Variants in PID1 observed in about 807,000 individuals in gnomAD.
PID1 encodes phosphotyrosine interaction domain containing 1, also known as PTB-containing, cubilin and LRP1-interacting protein.
PID1 carries 10 observed loss-of-function variants against 19.1 expected under a neutral mutation model. The ratio of observed to expected loss-of-function variants is 0.52; its 90% confidence interval spans 0.32 to 0.89. The LOEUF is 0.89. PID1 is among the 40% of genes least tolerant of loss of function. The pLI, the probability that PID1 is intolerant of heterozygous loss-of-function variation, is 0.03. For missense variants in PID1, 248 were observed against 285.3 expected (o/e 0.87, Z 0.94); for synonymous variants, 130 against 116.0 (o/e 1.12, Z -0.78).
intron 2 of PID1, among the ~76,000 whole-genome samples, chr2:229,074,102 C>T (rs1190434632): frequency 6.6e-6 from 1 of 152,130 alleles, no homozygotes; most frequent in African/African-American, 2.4e-5. Context: ...GTCAGATTTA[C>T]ATTTAGGTTT....
chr2:229,158,722 T>C (rs1011119387), intron 1 of PID1, among the ~76,000 whole-genome samples: 1 of 151,932 alleles, frequency 6.6e-6, no homozygotes, highest in Non-Finnish European at 1.5e-5. Context: ...CTGAAAGAAG[T>C]GGATAATGAT....
chr2:229,270,384 C>T (rs1397369729), intron 1 of PID1, among the ~76,000 whole-genome samples: 1 of 152,178 alleles, frequency 6.6e-6, no homozygotes, highest in African/African-American at 2.4e-5. Context: ...TCAAGGCAGT[C>T]TGGCATTTCA....
At chr2:229,176,645 A>T (rs2106214489) in intron 1 of PID1, among the ~76,000 whole-genome samples, 1 of 152,330 alleles carries the variant, frequency 6.6e-6, no homozygotes, top group African/African-American at 2.4e-5. Flanking sequence ...CAACCTTATC[A>T]TGAAAAAGAA....
intron 1 of PID1, among the ~76,000 whole-genome samples, chr2:229,208,020 TC>T (rs953558063): frequency 7.9e-5 from 12 of 152,188 alleles, no homozygotes; most frequent in Non-Finnish European, 1.5e-4. Context: ...AATAACTGGA[TC>T]CAAAGCAACT....
rs185168602 is a variant in PID1, at chr2:229,074,725, A to G, written c.178-48617T>C. Among the ~76,000 whole-genome samples the G allele has an allele frequency of 2.2e-4, 34 of 152,328 alleles. 1 individual carries two copies. The highest frequency in any genetic ancestry group is 1.2e-3 in the Admixed American group (18 of 15,300). On this transcript the variant is annotated intron_variant, in intron 2 of 2. Transcript: ENST00000392055. Reference sequence around the variant, plus strand: ...GTCTCAAATATCAAATAGATTTCAGAAATATAATTTTGATCATAAACTACA... The same window carrying G: ...GTCTCAAATATCAAATAGATTTCAGGAATATAATTTTGATCATAAACTACA...
chr2:229,046,791 C>T (rs112184879), intron 2 of PID1, among the ~76,000 whole-genome samples: 14 of 152,108 alleles, frequency 9.2e-5, no homozygotes, highest in African/African-American at 3.1e-4. Flanking sequence ...TACAATTTGA[C>T]GATACCATCT....
chr2:229,169,628 C>T (rs1690670097), intron 1 of PID1, among the ~76,000 whole-genome samples: 1 of 152,154 alleles, frequency 6.6e-6, no homozygotes, highest in African/African-American at 2.4e-5. Context: ...AAGGTCCTTT[C>T]TCTCAAATGC....
intron 2 of PID1, among the ~76,000 whole-genome samples, chr2:229,043,686 T>C (rs1242350744): frequency 6.6e-6 from 1 of 152,212 alleles, no homozygotes; most frequent in Non-Finnish European, 1.5e-5. Flanking sequence ...TCTTATTTTC[T>C]TATTTTAGGA....
intron 2 of PID1, among the ~76,000 whole-genome samples, chr2:229,153,329 C>T (rs2106193114): frequency 6.6e-6 from 1 of 152,294 alleles, no homozygotes; most frequent in South Asian, 2.1e-4. Context: ...GCTGGAAAAG[C>T]CCTCAAGAGG....
At chr2:229,265,041 T>C (rs1017228106) in intron 1 of PID1, among the ~76,000 whole-genome samples, 14 of 152,314 alleles carry the variant, frequency 9.2e-5, no homozygotes, top group Non-Finnish European at 1.0e-4. Context: ...ATTTTACAGA[T>C]AGGGAAAGCA....
rs1424782230 is a variant in PID1, at chr2:229,146,660, A to C, written c.177+9158T>G. On this transcript the variant is annotated intron_variant, in intron 2 of 2. Transcript: ENST00000392055. ...TACATCCTAACCCCTGGAACCTATA[A>C]ATGCTACCTTACAAAGAAAAAGGCT... 2.0e-5 allele frequency among the ~76,000 whole-genome samples: 3 copies of C among 152,100 alleles called. No homozygotes were observed. In the East Asian group the frequency reaches 5.8e-4, roughly 29 times the overall value.
At chr2:229,082,144 T>C (rs1316919495) in intron 2 of PID1, among the ~76,000 whole-genome samples, 1 of 152,172 alleles carries the variant, frequency 6.6e-6, no homozygotes, top group African/African-American at 2.4e-5. Context: ...ATACTCAGAG[T>C]AACTGCTCAA....
At chr2:229,202,569 C>A (rs1691521879) in intron 1 of PID1, among the ~76,000 whole-genome samples, 1 of 151,986 alleles carries the variant, frequency 6.6e-6, no homozygotes, top group African/African-American at 2.4e-5. Context: ...GTACTGTTCA[C>A]AAGATACTTT....
intron 1 of PID1, among the ~76,000 whole-genome samples, chr2:229,177,010 C>T (rs911846854): frequency 2.0e-5 from 3 of 152,154 alleles, no homozygotes; most frequent in Admixed American, 1.3e-4. Flanking sequence ...CTGTGGAGGC[C>T]TCACAATCAT....
intron 1 of PID1, among the ~76,000 whole-genome samples, chr2:229,176,018 T>C (rs1268590167): frequency 6.6e-6 from 1 of 152,178 alleles, no homozygotes; most frequent in African/African-American, 2.4e-5. Context: ...AAGTAACATC[T>C]ATCAAAGCTA....
chr2:229,112,697 C>G (rs565344043), intron 2 of PID1, among the ~76,000 whole-genome samples: 1 of 152,230 alleles, frequency 6.6e-6, no homozygotes, highest in East Asian at 1.9e-4. Context: ...GTTTCCCAGG[C>G]TGGTCGCAAA....
At chr2:229,031,122 A>G (rs781779916) in intron 2 of PID1, among the ~76,000 whole-genome samples, 5 of 144,094 alleles carry the variant, frequency 3.5e-5, no homozygotes, top group African/African-American at 1.0e-4. Context: ...AGGCTGAGGC[A>G]GAAGAATCGC....
chr2:229,160,713 CAG>C (rs1259151559), intron 1 of PID1, among the ~76,000 whole-genome samples: 1 of 152,114 alleles, frequency 6.6e-6, no homozygotes, highest in Non-Finnish European at 1.5e-5. Context: ...TGAGGTGAAA[CAG>C]AGAAAATGAT....
chr2:229,125,535 G>T (rs1574648800), intron 2 of PID1, among the ~76,000 whole-genome samples: 1 of 152,048 alleles, frequency 6.6e-6, no homozygotes, highest in East Asian at 1.9e-4. Flanking sequence ...TGCAGAATCT[G>T]CTGCTTGGAA....
Sources: gnomAD v4.1 joint callset for allele counts (sites outside exome capture counted in the v4.1 genomes callset) on GRCh38, gnomAD v4.1.1 for gene constraint, MANE v1.5 for transcripts, NCBI Gene and HGNC (gene_info 2026-07-23, HGNC 2026-07-21) for gene names.